ATP11A: variants seen among roughly 807,000 people sequenced by gnomAD.
ATP11A encodes the protein ATPase phospholipid transporting 11A.
A neutral mutation model predicts 154.4 loss-of-function variants in ATP11A; 81 were observed. That is an observed-to-expected ratio of 0.52 (90% CI 0.44 to 0.63). ATP11A has a LOEUF of 0.63. Ranked by LOEUF, ATP11A falls within the 30% of genes least tolerant of loss-of-function variation. The pLI, the probability that ATP11A is intolerant of heterozygous loss-of-function variation, is 0.00. For missense variants in ATP11A, 1,316 were observed against 1,474.3 expected, an observed-to-expected ratio of 0.89 and a Z score of 1.76; for synonymous variants, 623 against 585.9, an observed-to-expected ratio of 1.06 and a Z score of -0.91.
chr13:112,823,509 CT>C (rs756708779), intron 9 of ATP11A, 100 bp downstream of exon 9: 37 of 962,486 alleles, frequency 3.8e-5, no homozygotes, highest in Non-Finnish European at 5.4e-5. Context: ...TTCTTGGCAC[CT>C]TGAGGTGCTG....
In ATP11A at chr13:112,862,049, G is replaced by T. The variant is rs77946895; in HGVS notation, c.2856-391G>T. The stretch of plus-strand genomic sequence containing the variant: ...GTCACGTCAGGCGTAAGGTGTCACA[G>T]CAGGCGTAAGGCATCACGTCAGGCG... On this transcript the variant is annotated intron_variant, in intron 24 of 29. Transcript: ENST00000375645. 1.4e-3 allele frequency among the ~76,000 whole-genome samples: 199 copies of T among 146,130 alleles called. 3 individuals carry two copies. The East Asian group carries it at 0.035, about 26-fold the overall frequency.
chr13:112,867,726 T>C (rs1188001892), intron 25 of ATP11A, among the ~76,000 whole-genome samples: 2 of 152,212 alleles, frequency 1.3e-5, no homozygotes, highest in Non-Finnish European at 2.9e-5. Context: ...GAAGGTACCT[T>C]GAGCCCCCAC....
intron 1 of ATP11A, among the ~76,000 whole-genome samples, chr13:112,783,054 T>C (rs1173252754): frequency 6.6e-6 from 1 of 152,224 alleles, no homozygotes; most frequent in Non-Finnish European, 1.5e-5. Flanking sequence ...AGCTGAGTCC[T>C]AATAAAAGAA....
chr13:112,716,160 A>G (rs1594392789), intron 1 of ATP11A, among the ~76,000 whole-genome samples: 1 of 152,264 alleles, frequency 6.6e-6, no homozygotes, highest in East Asian at 1.9e-4. Flanking sequence ...TGGGAGCCAC[A>G]GCACCCTGTG....
chr13:112,813,868 C>T (rs2078571108), intron 5 of ATP11A, among the ~76,000 whole-genome samples: 1 of 152,004 alleles, frequency 6.6e-6, no homozygotes, highest in African/African-American at 2.4e-5. Flanking sequence ...AAAAATAACT[C>T]TTCATGTCTT....
chr13:112,743,755 G>A (rs1251649195), intron 1 of ATP11A, among the ~76,000 whole-genome samples: 1 of 152,226 alleles, frequency 6.6e-6, no homozygotes, highest in Non-Finnish European at 1.5e-5. Flanking sequence ...TAAGCTTAAG[G>A]TAACCTATAC....
At chr13:112,836,150 GGT>G in intron 15 of ATP11A, 26 bp from the exon 16 acceptor site, 1 of 1,569,532 alleles carries the variant, frequency 6.4e-7, no homozygotes, top group Non-Finnish European at 8.8e-7. Context: ...CCGTGTGGAC[GGT>G]GTGACCTTCT....
At chr13:112,880,505 C>T (rs1199644282) in intron 29 of ATP11A, 33 of 1,281,062 alleles carry the variant, frequency 2.6e-5, no homozygotes, top group Admixed American at 1.2e-4. Flanking sequence ...CTGGTGGCCC[C>T]GTGTGGCCCA....
At chr13:112,749,750 G>A (rs1323674277) in intron 1 of ATP11A, among the ~76,000 whole-genome samples, 1 of 150,184 alleles carries the variant, frequency 6.7e-6, no homozygotes, top group Admixed American at 6.6e-5. Flanking sequence ...CTTAGGGAAG[G>A]AGAATCTCCA....
At chr13:112,863,934 G>T (rs375610894) in intron 25 of ATP11A, among the ~76,000 whole-genome samples, 3 of 71,198 alleles carry the variant, frequency 4.2e-5, no homozygotes, top group African/African-American at 1.7e-4. Context: ...TCCCAGCGGG[G>T]TCCATCACCA....
Position 112,730,379 on chromosome 13 carries a change from G to T in ATP11A, c.39+39924G>T, listed in dbSNP as rs75721272. ...GGAAGGTGAGGCTGGCAAATTCCTG[G>T]CATGGAACAGTTTGTTCTCAAAGAG... On this transcript the variant is annotated intron_variant, in intron 1 of 29. Coordinates refer to ENST00000375645, the MANE Select transcript of ATP11A (RefSeq NM_015205.3). Among the ~76,000 whole-genome samples, 932 of 152,342 alleles carry T rather than the reference G, an allele frequency of 6.1e-3. 9 individuals are homozygous for T. The highest frequency in any genetic ancestry group is 0.022 in the African/African-American group (898 of 41,576).
At chr13:112,881,108 G>T in intron 29 of ATP11A, 2 of 987,720 alleles carry the variant, frequency 2.0e-6, no homozygotes, top group Non-Finnish European at 2.4e-6. Flanking sequence ...CAACAGACAT[G>T]GAGGCCATGA....
At chr13:112,799,077 A>G (rs1594736704) in intron 2 of ATP11A, among the ~76,000 whole-genome samples, 1 of 152,258 alleles carries the variant, frequency 6.6e-6, no homozygotes, top group South Asian at 2.1e-4. Flanking sequence ...GGGCATTGCC[A>G]AACAACAAAG....
intron 1 of ATP11A, among the ~76,000 whole-genome samples, chr13:112,693,857 C>G (rs1885488733): frequency 6.6e-6 from 1 of 152,160 alleles, no homozygotes; most frequent in African/African-American, 2.4e-5. Context: ...AAGGCTGAGG[C>G]AGGAGAATTG....
At chr13:112,736,305 A>G (rs1890997049) in intron 1 of ATP11A, among the ~76,000 whole-genome samples, 1 of 152,188 alleles carries the variant, frequency 6.6e-6, no homozygotes, top group Non-Finnish European at 1.5e-5. Flanking sequence ...GAGTTGCATG[A>G]TGATCAATAA....
At chr13:112,777,350 G>T (rs1317766016) in intron 1 of ATP11A, among the ~76,000 whole-genome samples, 2 of 152,194 alleles carry the variant, frequency 1.3e-5, no homozygotes, top group Non-Finnish European at 2.9e-5. Context: ...AATCACCTGA[G>T]GTCAGGAGTT....
intron 25 of ATP11A, among the ~76,000 whole-genome samples, chr13:112,863,356 C>A (rs2080187261): frequency 1.3e-5 from 2 of 148,288 alleles, no homozygotes; most frequent in African/African-American, 2.5e-5. Context: ...ACCACCTGCG[C>A]AGTAATTCAG....
chr13:112,783,697 G>A (rs2077554177), intron 1 of ATP11A, among the ~76,000 whole-genome samples: 1 of 152,230 alleles, frequency 6.6e-6, no homozygotes, highest in South Asian at 2.1e-4. Flanking sequence ...AGAGCCACAC[G>A]CTAAGGCCCC....
chr13:112,859,443 T>G lies in ATP11A; in HGVS notation c.2718T>G (p.Phe906Leu). The G allele has an allele frequency of 6.2e-7, 1 of 1,613,810 alleles. No homozygotes were observed. The highest frequency in any genetic ancestry group is 1.3e-5 in the African/African-American group (1 of 75,036). Residue 906 changes from phenylalanine (F) to leucine (L), a missense_variant, in exon 23 of 30, where the codon TTT becomes TTG. Around this residue, in one of 5 missense-constraint regions of ATP11A, gnomAD observed 294 missense variants for 290.2 expected, o/e 1.01. Coordinates refer to ENST00000375645, the MANE Select transcript of ATP11A (RefSeq NM_015205.3). The surrounding 1 kb of genome is among the most constrained non-coding windows in gnomAD (Gnocchi z 4.3). ...PQFLYQFFCG[F>L]SQQTLYDTAY... is the part of the protein sequence containing the mutation. ...TTTTATACCAGTTCTTCTGTGGGTT[T>G]TCACAACAGGTCAGTCCTAGGGTCT...
Sources: allele counts gnomAD v4.1 joint callset (sites outside exome capture counted in the v4.1 genomes callset), GRCh38; gene constraint gnomAD v4.1.1; regional missense constraint gnomAD v4.1.1; non-coding constraint Gnocchi (gnomAD v3.1); transcripts MANE v1.5; gene names NCBI Gene and HGNC (gene_info 2026-07-23, HGNC 2026-07-21).